SLC25A47: variants seen among roughly 807,000 people sequenced by gnomAD.
SLC25A47 encodes solute carrier family 25 member 47.
Under a neutral mutation model 29.8 loss-of-function variants are expected in SLC25A47, and 30 were observed. The ratio of observed to expected loss-of-function variants is 1.01; its 90% CI spans 0.75 to 1.36. The LOEUF (loss-of-function observed/expected upper bound fraction) is 1.36, where lower values mean the gene tolerates loss of function less well. Among genes scored for constraint, SLC25A47 ranks in the 40% most tolerant of loss-of-function variants. The pLI, the probability that SLC25A47 is intolerant of heterozygous loss-of-function variation, is 0.00. For missense variants in SLC25A47, 430 were observed against 441.9 expected (o/e 0.97, Z 0.24); for synonymous variants, 204 against 197.8 (o/e 1.03, Z -0.26).
Position 100,329,401 on chromosome 14 carries a change from G to A in SLC25A47, c.683G>A (p.Gly228Glu), listed in dbSNP as rs1377267859. The change falls in exon 6 of 6, where the codon GGA (glycine) becomes GAA (glutamate). Residue 228 changes from glycine to glutamate, a missense_variant. By Grantham distance (98) the Gly-to-Glu change is moderately conservative. Coordinates refer to ENST00000361529, the MANE Select transcript of SLC25A47 (RefSeq NM_207117.4). ...PGVLVAGGCA[G>E]VLAWAVATPM... The stretch of plus-strand genomic sequence containing the variant: ...GTGCTGGTGGCCGGGGGCTGTGCAG[G>A]AGTCCTGGCCTGGGCTGTGGCCACC... 1 of 1,611,498 alleles carries A rather than the reference G, an allele frequency of 6.2e-7. No individual in the cohort carries two copies. Among genetic ancestry groups the A allele is most frequent in the Non-Finnish European group, 8.5e-7 (1 of 1,179,252 alleles).
chr14:100,328,940 G>T lies in SLC25A47; in HGVS notation c.542G>T (p.Gly181Val), dbSNP rs747854245. 2.5e-6 allele frequency: 4 copies of T among 1,606,120 alleles called. No homozygotes were observed. In the South Asian group the frequency reaches 4.4e-5, roughly 18 times the overall value. Reference protein sequence around the residue: ...REEGLCGLYKGSSALVLRDGH... With the variant: ...REEGLCGLYKVSSALVLRDGH... ...GAGGGGCTGTGCGGCCTCTACAAGG[G>T]CAGCTCGGCCCTGGTCTTACGGGAC... The change falls in exon 5 of 6, where the codon GGC (glycine) becomes GTC (valine). Residue 181 changes from glycine (G) to valine (V), a missense_variant. Physicochemically the swap from Gly to Val is moderately radical, Grantham distance 109. Transcript: ENST00000361529.
At chr14:100,325,511 GC>G (rs1268978279) in intron 1 of SLC25A47, among the ~76,000 whole-genome samples, 5 of 152,326 alleles carry the variant, frequency 3.3e-5, no homozygotes, top group Non-Finnish European at 4.4e-5. Flanking sequence ...CATGTCTTTG[GC>G]CCAAGGCAGC....
At chr14:100,324,256 G>A (rs1893299099) in intron 1 of SLC25A47, among the ~76,000 whole-genome samples, 1 of 151,834 alleles carries the variant, frequency 6.6e-6, no homozygotes, top group African/African-American at 2.4e-5. Context: ...ATGGAGTCTT[G>A]TTCTGTCGCC....
chr14:100,326,460 C>G (rs1475286630), intron 3 of SLC25A47, among the ~76,000 whole-genome samples: 1 of 152,206 alleles, frequency 6.6e-6, no homozygotes, highest in Non-Finnish European at 1.5e-5. Flanking sequence ...CTAGAGGTAG[C>G]GTTCAGGTCT....
At chr14:100,329,195 G>A (rs1305982854) in intron 5 of SLC25A47, 151 bp downstream of exon 5, 3 of 1,205,794 alleles carry the variant, frequency 2.5e-6, no homozygotes, top group African/African-American at 3.1e-5. Flanking sequence ...AACACCAAGA[G>A]TCAGGACAGA....
At chr14:100,325,622 G>A (rs1893323914) in intron 1 of SLC25A47, among the ~76,000 whole-genome samples, 166 bp from the exon 2 acceptor site, 1 of 152,212 alleles carries the variant, frequency 6.6e-6, no homozygotes, top group Non-Finnish European at 1.5e-5. Flanking sequence ...CTAAAACGGG[G>A]GTGCCCTCAG....
Position 100,329,779 on chromosome 14 carries a change from A to G in SLC25A47, c.*134A>G, listed in dbSNP as rs1364743111. 1.6e-6 allele frequency: 2 copies of G among 1,254,038 alleles called. No homozygotes were observed. The highest frequency in any genetic ancestry group is 3.0e-5 in the African/African-American group (2 of 66,696). The allele number at this position is 1,254,038 out of a possible 1,614,324, so 77.7% of individuals were successfully genotyped here. On this transcript the variant is annotated 3_prime_UTR_variant, in exon 6 of 6. Coordinates refer to ENST00000361529, the MANE Select transcript of SLC25A47 (RefSeq NM_207117.4). ...CCAGGAGAATGAGGAGCCTCCCTGC[A>G]GTGTTGTCGGCCGAGGCCTGAGCTC...
chr14:100,329,670 C>A lies in SLC25A47; in HGVS notation c.*25C>A. 1 of 1,588,642 alleles carries A rather than the reference C, an allele frequency of 6.3e-7. No homozygotes were observed. ...GCCGGTCCCCACGCCCAGCGGCCCA[C>A]CCACCAGCAGCTGCTGGAGGTCGTA... On this transcript the variant is annotated 3_prime_UTR_variant, in exon 6 of 6. Coordinates refer to ENST00000361529, the MANE Select transcript of SLC25A47 (RefSeq NM_207117.4).
At chr14:100,326,684 C>T (rs1893344865) in intron 3 of SLC25A47, among the ~76,000 whole-genome samples, 1 of 152,172 alleles carries the variant, frequency 6.6e-6, no homozygotes, top group Non-Finnish European at 1.5e-5. Flanking sequence ...GTTACTAGTT[C>T]ATTGTCAGGC....
chr14:100,325,216 G>A (rs1476905758), intron 1 of SLC25A47, among the ~76,000 whole-genome samples: 1 of 152,172 alleles, frequency 6.6e-6, no homozygotes, highest in Non-Finnish European at 1.5e-5. Flanking sequence ...GTGGACTCCC[G>A]GCCCTCTCTC....
In SLC25A47 at chr14:100,327,440, G is replaced by T. The variant is rs1893362905; in HGVS notation, c.327+70G>T. On this transcript the variant is annotated intron_variant, in intron 4 of 5. Transcript: ENST00000361529. ...GGGGTCTGAGAGGTTATCCATCCTG[G>T]CAGGTGGGGAAACTGAGGCTTGATG... 6.1e-6 allele frequency: 9 copies of T among 1,485,330 alleles called. No homozygotes were observed. The South Asian group carries it at 1.0e-4, about 17-fold the overall frequency. 92.0% of individuals were successfully genotyped at this position (1,485,330 alleles called of 1,614,324 possible). A position where few individuals can be genotyped will look rare whatever the true frequency, so the allele number is the denominator to read the frequency against.
intron 5 of SLC25A47, 100 bp from the exon 6 acceptor site, chr14:100,329,265 C>T (rs1893402282): frequency 7.1e-7 from 1 of 1,415,810 alleles, no homozygotes; most frequent in African/African-American, 1.4e-5. Context: ...CTCTCCCAAG[C>T]CTGTTGCAAA....
intron 1 of SLC25A47, among the ~76,000 whole-genome samples, 180 bp downstream of exon 1, chr14:100,323,622 G>A (rs1893286970): frequency 6.6e-6 from 1 of 152,152 alleles, no homozygotes; most frequent in Non-Finnish European, 1.5e-5. Context: ...GGGTGCTGCA[G>A]GGCCTGGGGG....
rs555616462 is a variant in SLC25A47 at position 100,330,246 on chromosome 14, C to T, written c.*601C>T. 3.9e-5 allele frequency: 6 copies of T among 154,652 alleles called. No individual in the cohort carries two copies. The highest frequency in any genetic ancestry group is 3.9e-4 in the East Asian group (2 of 5,192). The allele number at this position is 154,652 out of a possible 1,614,324, so 9.6% of individuals were successfully genotyped here. On this transcript the variant is annotated 3_prime_UTR_variant, in exon 6 of 6. Transcript: ENST00000361529. ...GAGAGGGGCCTGGGGTGGCCGTCCTCGGCCGGTTAGGGAATTTGGGGTGAG... is the reference window on the plus strand; with the variant it reads ...GAGAGGGGCCTGGGGTGGCCGTCCTTGGCCGGTTAGGGAATTTGGGGTGAG...
intron 5 of SLC25A47, 28 bp downstream of exon 5, chr14:100,329,072 C>G (rs781070973): frequency 5.7e-6 from 9 of 1,590,734 alleles, no homozygotes; most frequent in Non-Finnish European, 6.8e-6. Context: ...CCTGGCAGGG[C>G]GGGGAGCCCA....
rs1893382067 is a variant in SLC25A47, at chr14:100,328,582, G to GC, written c.328-138dup. The GC allele has an allele frequency of 1.3e-5, 10 of 794,570 alleles. No individual in the cohort carries two copies. In the Admixed American group the frequency reaches 1.4e-4, roughly 11 times the overall value. 49.2% of individuals were successfully genotyped at this position (794,570 alleles called of 1,614,324 possible). A position where few individuals can be genotyped will look rare whatever the true frequency, so the allele number is the denominator to read the frequency against. ...GGCGGAGCTGGCTTTGGGCCCCGTG[G>GC]CCCCCCAGCCCTGGGCCAGCCTGCA... On this transcript the variant is annotated intron_variant, in intron 4 of 5. Transcript: ENST00000361529.
chr14:100,329,109 C>T (rs1466466048), intron 5 of SLC25A47, 65 bp downstream of exon 5: 38 of 1,528,946 alleles, frequency 2.5e-5, no homozygotes, highest in Middle Eastern at 1.8e-4. Flanking sequence ...AAGGTGAGGT[C>T]GTGCTGCCCG....
intron 5 of SLC25A47, 51 bp from the exon 6 acceptor site, chr14:100,329,314 C>A: frequency 6.5e-7 from 1 of 1,540,712 alleles, no homozygotes; most frequent in Non-Finnish European, 8.7e-7. Flanking sequence ...GGTGCGCTGC[C>A]CTGGGCGCCC....
intron 4 of SLC25A47, 91 bp from the exon 5 acceptor site, chr14:100,328,635 C>A: frequency 2.2e-6 from 3 of 1,364,240 alleles, no homozygotes; most frequent in South Asian, 2.3e-5. Flanking sequence ...CTCCTGAGGT[C>A]ACCGTGAGCA....
Sources: allele counts gnomAD v4.1 joint callset (sites outside exome capture counted in the v4.1 genomes callset), GRCh38; gene constraint gnomAD v4.1.1; transcripts MANE v1.5; gene names NCBI Gene and HGNC (gene_info 2026-07-23, HGNC 2026-07-21).